CPPED1: variants seen among roughly 807,000 people sequenced by gnomAD.
The protein encoded by CPPED1 is serine/threonine-protein phosphatase CPPED1.
In CPPED1, 28 loss-of-function variants were observed where a neutral mutation model predicts 28.0. That is an observed-to-expected ratio of 1.00 (90% CI 0.74 to 1.37). The LOEUF is 1.37. Among genes scored for constraint, CPPED1 ranks in the 40% most tolerant of loss-of-function variants. The probability of loss-of-function intolerance (pLI) is 0.00; values close to 1 mark genes in which losing one functional copy is unlikely to be tolerated. For synonymous variants in CPPED1, 198 were observed against 180.2 expected (o/e 1.10, Z -0.79); for missense variants, 504 against 416.5 (o/e 1.21, Z -1.83).
At chr16:12,783,521 A>C (rs529376547) in intron 1 of CPPED1, among the ~76,000 whole-genome samples, 2 of 151,984 alleles carry the variant, frequency 1.3e-5, no homozygotes, top group South Asian at 4.2e-4. Flanking sequence ...TAAATAAATA[A>C]ATAAATAAAT....
intron 1 of CPPED1, among the ~76,000 whole-genome samples, chr16:12,783,119 T>C (rs1305913152): frequency 1.3e-5 from 2 of 152,058 alleles, no homozygotes; most frequent in Admixed American, 6.6e-5. Flanking sequence ...TCAGTGCTCG[T>C]TGGGGGAGAT....
At chr16:12,758,315 C>T (rs920720017) in intron 2 of CPPED1, among the ~76,000 whole-genome samples, 1 of 152,174 alleles carries the variant, frequency 6.6e-6, no homozygotes, top group African/African-American at 2.4e-5. Context: ...CAGGAGCATG[C>T]CTGTGGACAA....
chr16:12,677,498 T>C (rs982852484), intron 3 of CPPED1, among the ~76,000 whole-genome samples: 9 of 152,152 alleles, frequency 5.9e-5, no homozygotes, highest in Admixed American at 2.0e-4. Context: ...AATGTGGATG[T>C]GGATGTGGTG....
chr16:12,669,215 G>C (rs1174954342), intron 3 of CPPED1, among the ~76,000 whole-genome samples: 1 of 152,078 alleles, frequency 6.6e-6, no homozygotes, highest in Non-Finnish European at 1.5e-5. Context: ...AGCTAAGTGA[G>C]ATAAGCCACT....
chr16:12,788,506 C>T (rs2080577575), intron 1 of CPPED1, among the ~76,000 whole-genome samples: 1 of 152,122 alleles, frequency 6.6e-6, no homozygotes, highest in Non-Finnish European at 1.5e-5. Flanking sequence ...ATTGTCAGTG[C>T]TGGAAGGACT....
chr16:12,704,928 C>G lies in CPPED1; in HGVS notation c.411G>C (p.Glu137Asp). The G allele has an allele frequency of 6.2e-7, 1 of 1,614,186 alleles. No homozygotes were observed. The highest frequency in any genetic ancestry group is 8.5e-7 in the Non-Finnish European group (1 of 1,180,040). ...AAGTCCGGCAGAACTCCTCGACGGT[C>G]TCGGCCGTGGGGGTGTTGCCAATGT... is the stretch of plus-strand genomic sequence containing the variant. ...NHDIGNTPTA[E>D]TVEEFCRTWG... is the part of the protein sequence containing the mutation. Residue 137 changes from glutamate (E) to aspartate (D), a missense_variant, in exon 3 of 4, where the codon GAG (glutamate) becomes GAC (aspartate). Coordinates refer to ENST00000381774, the MANE Select transcript of CPPED1 (RefSeq NM_018340.3).
intron 2 of CPPED1, among the ~76,000 whole-genome samples, chr16:12,717,516 G>A (rs1338951068): frequency 2.6e-5 from 4 of 151,906 alleles, no homozygotes; most frequent in African/African-American, 4.8e-5. Flanking sequence ...TGCCTGCTTC[G>A]GCCTCCCAAA....
chr16:12,706,517 C>T (rs1165754018), intron 2 of CPPED1, among the ~76,000 whole-genome samples: 1 of 148,214 alleles, frequency 6.7e-6, no homozygotes. Context: ...TTCCTTCTTT[C>T]CTTCCTCCCT....
At chr16:12,751,264 C>A (rs756515603) in intron 2 of CPPED1, among the ~76,000 whole-genome samples, 7 of 152,106 alleles carry the variant, frequency 4.6e-5, no homozygotes, top group Non-Finnish European at 7.4e-5. Flanking sequence ...AGCAAGTGTT[C>A]CAGCAGAGTG....
chr16:12,731,327 G>C (rs1470580749), intron 2 of CPPED1, among the ~76,000 whole-genome samples: 5 of 149,584 alleles, frequency 3.3e-5, no homozygotes, highest in South Asian at 2.1e-4. Flanking sequence ...CTGATTTTTT[G>C]TATTGTTAGT....
chr16:12,778,350 A>G (rs2080510444), intron 2 of CPPED1, among the ~76,000 whole-genome samples: 1 of 132,012 alleles, frequency 7.6e-6, no homozygotes, highest in Non-Finnish European at 1.5e-5. Context: ...AATCTTGCTC[A>G]TTGCAACCTC....
rs564228046 is a variant in CPPED1, at chr16:12,678,605, G to C, written c.716-13490C>G. Among the ~76,000 whole-genome samples the C allele has an allele frequency of 2.6e-5, 4 of 152,190 alleles. No individual in the cohort carries two copies. In the South Asian group the frequency reaches 8.3e-4, roughly 32 times the overall value. On this transcript the variant is annotated intron_variant, in intron 3 of 3. Coordinates refer to ENST00000381774, the MANE Select transcript of CPPED1 (RefSeq NM_018340.3). ...AATGTTTTGTAAAGGTAGAGGTCTTGGACATCCTTTGCTATTCCTAGGTAT... is the reference window on the plus strand; with the variant it reads ...AATGTTTTGTAAAGGTAGAGGTCTTCGACATCCTTTGCTATTCCTAGGTAT...
chr16:12,789,637 C>G (rs1055716561), intron 1 of CPPED1, among the ~76,000 whole-genome samples: 10 of 152,088 alleles, frequency 6.6e-5, no homozygotes, highest in East Asian at 3.9e-4. Context: ...GTGATCCTCC[C>G]ACGTCAGCCT....
intron 2 of CPPED1, among the ~76,000 whole-genome samples, chr16:12,762,950 C>A (rs115775638): frequency 1.3e-5 from 2 of 152,100 alleles, no homozygotes; most frequent in South Asian, 2.1e-4. Flanking sequence ...AGTCTTGCGC[C>A]GGGCACGGTG....
intron 3 of CPPED1, among the ~76,000 whole-genome samples, chr16:12,699,133 T>C (rs375630940): frequency 2.6e-5 from 4 of 152,230 alleles, no homozygotes. Flanking sequence ...ATCTACTATC[T>C]GTCTTTGCTA....
intron 2 of CPPED1, among the ~76,000 whole-genome samples, chr16:12,738,553 C>T (rs1266113767): frequency 6.6e-6 from 1 of 151,962 alleles, no homozygotes; most frequent in Non-Finnish European, 1.5e-5. Flanking sequence ...ATACAGATGA[C>T]CACTGATTCA....
intron 2 of CPPED1, among the ~76,000 whole-genome samples, chr16:12,705,691 G>A (rs2080046414): frequency 6.6e-6 from 1 of 152,226 alleles, no homozygotes; most frequent in Non-Finnish European, 1.5e-5. Context: ...TCGGGAGGCA[G>A]AGGTTGCAGT....
chr16:12,737,848 T>G (rs1342905301), intron 2 of CPPED1, among the ~76,000 whole-genome samples: 1 of 152,198 alleles, frequency 6.6e-6, no homozygotes, highest in Admixed American at 6.5e-5. Context: ...TCTCTCTTCT[T>G]GGTCTTCTTG....
At chr16:12,701,242 T>C (rs1301548565) in intron 3 of CPPED1, among the ~76,000 whole-genome samples, 2 of 148,938 alleles carry the variant, frequency 1.3e-5, no homozygotes, top group African/African-American at 5.0e-5. Context: ...AAAAAAAAAA[T>C]GTTGAGGCCG....
Sources: gnomAD v4.1 joint callset for allele counts (sites outside exome capture counted in the v4.1 genomes callset) on GRCh38, gnomAD v4.1.1 for gene constraint, MANE v1.5 for transcripts, NCBI Gene and HGNC (gene_info 2026-07-23, HGNC 2026-07-21) for gene names.